The following SHISA9 variants were observed in gnomAD, a reference collection of about 807,000 sequenced individuals.
The protein encoded by SHISA9 is shisa family member 9.
A neutral mutation model predicts 38.0 loss-of-function variants in SHISA9; 13 were observed. The observed-to-expected ratio is 0.34, with a 90% CI of 0.22 to 0.54. The LOEUF is 0.54. SHISA9 is among the 20% of genes least tolerant of loss of function. SHISA9 has a pLI of 0.91. For synonymous variants in SHISA9, 275 were observed against 242.0 expected (o/e 1.14, Z -1.27); for missense variants, 538 against 575.8 (o/e 0.93, Z 0.67).
At chr16:13,421,614 A>G in the SHISA9 span, among the ~76,000 whole-genome samples, 111,796 of 152,130 alleles carry the variant, frequency 0.73, 41,308 homozygotes, top group Admixed American at 0.82. Context: ...GAGCCAAACC[A>G]TATCAGTCTC....
chr16:13,023,803 C>T (rs1046378177), intron 2 of SHISA9, among the ~76,000 whole-genome samples: 2 of 152,144 alleles, frequency 1.3e-5, no homozygotes, highest in Admixed American at 6.5e-5. Flanking sequence ...TGTCTGTTGG[C>T]TCCATAGATG....
chr16:12,916,457 T>C (rs575594917), intron 1 of SHISA9, among the ~76,000 whole-genome samples: 1 of 152,320 alleles, frequency 6.6e-6, no homozygotes, highest in South Asian at 2.1e-4. Context: ...AGTCCTGTTA[T>C]TACATGGCTG....
At chr16:13,414,733 C>T in the SHISA9 span, among the ~76,000 whole-genome samples, 1 of 149,042 alleles carries the variant, frequency 6.7e-6, no homozygotes, top group Non-Finnish European at 1.5e-5. Flanking sequence ...CAACCTCTGC[C>T]TCCCGGGTTC....
At chr16:13,205,398 T>C (rs752304574) in intron 3 of SHISA9, among the ~76,000 whole-genome samples, 18 of 152,230 alleles carry the variant, frequency 1.2e-4, no homozygotes, top group Non-Finnish European at 2.6e-4. Flanking sequence ...TTTTTCTCCC[T>C]GTCTCAGAGG....
intron 4 of SHISA9, among the ~76,000 whole-genome samples, chr16:13,219,083 G>A (rs1310546316): frequency 1.3e-5 from 2 of 152,190 alleles, no homozygotes; most frequent in Non-Finnish European, 2.9e-5. Flanking sequence ...AAAGCACACA[G>A]CAAGTGCTGG....
intron 2 of SHISA9, among the ~76,000 whole-genome samples, chr16:13,134,928 A>G (rs1343758617): frequency 3.9e-5 from 6 of 152,150 alleles, no homozygotes; most frequent in African/African-American, 1.4e-4. Flanking sequence ...AGAGGGAAAA[A>G]GAGACCTGCA....
At chr16:13,541,015 G>A in the SHISA9 span, among the ~76,000 whole-genome samples, 1 of 152,120 alleles carries the variant, frequency 6.6e-6, no homozygotes, top group Non-Finnish European at 1.5e-5. Flanking sequence ...CCTACTACCC[G>A]GGTGTCGGGA....
chr16:12,953,341 T>C (rs982355870), intron 2 of SHISA9, among the ~76,000 whole-genome samples: 2 of 152,290 alleles, frequency 1.3e-5, no homozygotes, highest in Admixed American at 6.5e-5. Flanking sequence ...TTATTCTTCA[T>C]GACAATGCAA....
At chr16:13,429,333 T>C in the SHISA9 span, among the ~76,000 whole-genome samples, 4 of 152,016 alleles carry the variant, frequency 2.6e-5, no homozygotes, top group African/African-American at 4.8e-5. Context: ...GCCAACAGAG[T>C]TGGTTTTTTC....
chr16:13,169,482 TA>T (rs1297899363), intron 2 of SHISA9, among the ~76,000 whole-genome samples: 1 of 152,186 alleles, frequency 6.6e-6, no homozygotes, highest in East Asian at 1.9e-4. Context: ...GATAGAGCTT[TA>T]AAAAAATCAT....
At chr16:13,541,464 T>C in the SHISA9 span, among the ~76,000 whole-genome samples, 1 of 152,188 alleles carries the variant, frequency 6.6e-6, no homozygotes, top group Admixed American at 6.5e-5. Context: ...TTTGTTGCAG[T>C]CTACAAACCA....
At chr16:13,059,714 C>T (rs374445131) in intron 2 of SHISA9, among the ~76,000 whole-genome samples, 6 of 152,006 alleles carry the variant, frequency 3.9e-5, no homozygotes, top group African/African-American at 1.2e-4. Flanking sequence ...TATCACATTC[C>T]GATATTATTA....
At chr16:13,000,961 A>C (rs1341626916) in intron 2 of SHISA9, among the ~76,000 whole-genome samples, 3 of 151,854 alleles carry the variant, frequency 2.0e-5, no homozygotes, top group Non-Finnish European at 4.4e-5. Context: ...ATGGAGTCTC[A>C]CTCTGTCACC....
the SHISA9 span, among the ~76,000 whole-genome samples, chr16:13,365,976 A>G: frequency 1.4e-5 from 2 of 145,386 alleles, no homozygotes; most frequent in Admixed American, 6.9e-5. Flanking sequence ...ACTTCATCTC[A>G]TAGAAAATAA....
At chr16:13,454,148 C>G in the SHISA9 span, among the ~76,000 whole-genome samples, 1 of 152,192 alleles carries the variant, frequency 6.6e-6, no homozygotes, top group Admixed American at 6.5e-5. Flanking sequence ...GCTCCCCCTG[C>G]AGGACAAATT....
chr16:13,147,949 A>T (rs928159434), intron 2 of SHISA9, among the ~76,000 whole-genome samples: 1 of 152,164 alleles, frequency 6.6e-6, no homozygotes, highest in Non-Finnish European at 1.5e-5. Context: ...AGTAAAAGGG[A>T]TAGTTAGGGA....
chr16:13,017,893 A>G (rs2072777095), intron 2 of SHISA9, among the ~76,000 whole-genome samples: 1 of 152,222 alleles, frequency 6.6e-6, no homozygotes, highest in Admixed American at 6.5e-5. Context: ...ATCACATTCA[A>G]TCCCCTTGTT....
At chr16:13,357,992 A>G in the SHISA9 span, among the ~76,000 whole-genome samples, 3 of 152,162 alleles carry the variant, frequency 2.0e-5, no homozygotes, top group Non-Finnish European at 4.4e-5. Context: ...ACTTCAGGCC[A>G]TCTGGGCGAT....
At chr16:13,127,143 AGAG>A (rs2050266382) in intron 2 of SHISA9, among the ~76,000 whole-genome samples, 1 of 138,902 alleles carries the variant, frequency 7.2e-6, no homozygotes, top group African/African-American at 2.7e-5. Flanking sequence ...AGAGAGAGAG[AGAG>A]TGAAGGAGGG....
Sources: gnomAD v4.1 joint callset for allele counts (sites outside exome capture counted in the v4.1 genomes callset) on GRCh38, gnomAD v4.1.1 for gene constraint, MANE v1.5 for transcripts, NCBI Gene and HGNC (gene_info 2026-07-23, HGNC 2026-07-21) for gene names.